KCNN3: variants seen among roughly 807,000 people sequenced by gnomAD.
The protein encoded by KCNN3 is small conductance calcium-activated potassium channel protein 3.
KCNN3 carries 16 observed loss-of-function variants against 62.9 expected under a neutral mutation model. That is an observed-to-expected ratio of 0.25 (90% CI 0.17 to 0.39). The LOEUF (loss-of-function observed/expected upper bound fraction) is 0.39. Among genes scored for constraint, KCNN3 ranks in the 10% least tolerant of loss-of-function variants. The pLI is 1.00. For missense variants in KCNN3, 599 were observed against 949.4 expected (o/e 0.63, Z 4.85); for synonymous variants, 370 against 389.2 (o/e 0.95, Z 0.58).
intron 3 of KCNN3, among the ~76,000 whole-genome samples, chr1:154,754,092 G>A (rs1025583184): frequency 2.0e-5 from 3 of 152,132 alleles, no homozygotes; most frequent in East Asian, 1.9e-4. Flanking sequence ...GAACCAAACC[G>A]GTTTTATCAT....
chr1:154,779,502 C>G (rs534402527), intron 2 of KCNN3, among the ~76,000 whole-genome samples: 2 of 152,342 alleles, frequency 1.3e-5, no homozygotes, highest in African/African-American at 4.8e-5. Context: ...CATCCCCACT[C>G]TCCCCATGGA....
In KCNN3 at chr1:154,706,325, C is replaced by A. The variant is rs1699964905; in HGVS notation, c.*1651G>T. ...TGATGTCTTCTTACAAAGGTAAACC[C>A]AAGATGACAACCACAAGCAAAAAAA... On this transcript the variant is annotated 3_prime_UTR_variant, in exon 8 of 8. Transcript: ENST00000271915. 1 of 152,138 alleles carries A rather than the reference C, an allele frequency of 6.6e-6. No homozygotes were observed. The highest frequency in any genetic ancestry group is 1.5e-5 in the Non-Finnish European group (1 of 68,018). The allele number at this position is 152,138 out of a possible 1,614,324, so 9.4% of individuals were successfully genotyped here.
chr1:154,814,678 T>C (rs1239567795), intron 2 of KCNN3, among the ~76,000 whole-genome samples: 2 of 152,240 alleles, frequency 1.3e-5, no homozygotes, highest in Admixed American at 6.5e-5. Flanking sequence ...CACCATCGTC[T>C]CTGAGGCGCT....
intron 1 of KCNN3, among the ~76,000 whole-genome samples, chr1:154,841,651 A>G (rs1211571102): frequency 1.3e-5 from 2 of 151,932 alleles, no homozygotes; most frequent in African/African-American, 4.8e-5. Context: ...AGCCCCCCTC[A>G]CTCCAAACTT....
In KCNN3 at chr1:154,701,877, A is replaced by C. The variant is rs561929443; in HGVS notation, c.*6099T>G. On this transcript the variant is annotated 3_prime_UTR_variant, in exon 8 of 8. Coordinates refer to ENST00000271915, the MANE Select transcript of KCNN3 (RefSeq NM_002249.6). ...ATTTTGAGTATTTTAAGTTACAGGA[A>C]AACAGGACTCTTTCTTATGTCCAAT... 71 of 152,330 alleles carry C rather than the reference A, an allele frequency of 4.7e-4. No individual in the cohort carries two copies. The highest frequency in any genetic ancestry group is 1.7e-3 in the African/African-American group (71 of 41,580). 9.4% of individuals were successfully genotyped at this position (152,330 alleles called of 1,614,324 possible).
intron 2 of KCNN3, among the ~76,000 whole-genome samples, chr1:154,777,426 T>C (rs1269131034): frequency 6.6e-6 from 1 of 152,182 alleles, no homozygotes; most frequent in Non-Finnish European, 1.5e-5. Flanking sequence ...CCTGTGGCCC[T>C]TGTTAACCAC....
In KCNN3 at chr1:154,869,495, T is replaced by G. The variant is rs1653087089; in HGVS notation, c.470A>C (p.Gln157Pro). The change falls in exon 1 of 8, where the codon CAG (glutamine) becomes CCG (proline). Residue 157 changes from glutamine to proline, a missense_variant. By Grantham distance (76) the Gln-to-Pro change is moderately conservative. Transcript: ENST00000271915. The surrounding 1 kb of genome is among the most constrained non-coding windows in gnomAD (Gnocchi z 6.1). ...CCGCCGGTGCACCAGGGGGCTGGCC[T>G]GTCGGTGCCGGCTGCCTCCGCCAGG... ...SGPGGGSRHR[Q>P]ASPLVHRRDS... 3 of 1,613,918 alleles carry G rather than the reference T, an allele frequency of 1.9e-6. No individual in the cohort carries two copies. The African/African-American group carries it at 4.0e-5, about 22-fold the overall frequency.
chr1:154,777,934 A>G (rs964847038), intron 2 of KCNN3, among the ~76,000 whole-genome samples: 2 of 152,230 alleles, frequency 1.3e-5, no homozygotes, highest in African/African-American at 4.8e-5. Context: ...GCTTCCCTGA[A>G]TGGGAAAAGG....
intron 1 of KCNN3, among the ~76,000 whole-genome samples, chr1:154,845,885 CTTG>C (rs1652035557): frequency 6.6e-6 from 1 of 152,224 alleles, no homozygotes; most frequent in Non-Finnish European, 1.5e-5. Flanking sequence ...CACGCACATG[CTTG>C]TTGTCCAGGC....
chr1:154,850,008 G>A (rs1052165375), intron 1 of KCNN3, among the ~76,000 whole-genome samples: 21 of 152,190 alleles, frequency 1.4e-4, no homozygotes, highest in African/African-American at 1.4e-4. Context: ...TGGTAAGGGA[G>A]GGGACCCCCC....
At chr1:154,716,502 A>G (rs940236600) in intron 5 of KCNN3, among the ~76,000 whole-genome samples, 4 of 152,230 alleles carry the variant, frequency 2.6e-5, no homozygotes, top group African/African-American at 9.6e-5. Flanking sequence ...AAGCCTAGGA[A>G]ACATTGTTTT....
At chr1:154,715,806 G>C (rs986038349) in intron 5 of KCNN3, among the ~76,000 whole-genome samples, 1 of 151,052 alleles carries the variant, frequency 6.6e-6, no homozygotes, top group Non-Finnish European at 1.5e-5. Context: ...TCGTGTATAC[G>C]GTACATTGCT....
chr1:154,698,132 C>T lies in KCNN3; in HGVS notation c.*9844G>A, dbSNP rs563222866. ...ATATTTTTGAAAACATTTTTTAGGT[C>T]TACCAACTTAGAAAAAGTCCCAGAT... On this transcript the variant is annotated 3_prime_UTR_variant, in exon 8 of 8. Transcript: ENST00000271915. 4.6e-5 allele frequency: 7 copies of T among 152,266 alleles called. No individual in the cohort carries two copies. Among genetic ancestry groups the T allele is most frequent in the Admixed American group, 6.5e-5 (1 of 15,298 alleles). 9.4% of individuals were successfully genotyped at this position (152,266 alleles called of 1,614,324 possible). A position where few individuals can be genotyped will look rare whatever the true frequency, so the allele number is the denominator to read the frequency against.
At chr1:154,755,054 C>T (rs1242390576) in intron 3 of KCNN3, among the ~76,000 whole-genome samples, 1 of 152,208 alleles carries the variant, frequency 6.6e-6, no homozygotes. Flanking sequence ...TGTCTGTTGC[C>T]TGGCCTGCTG....
At chr1:154,715,433 C>CAAA (rs68051927) in intron 5 of KCNN3, among the ~76,000 whole-genome samples, 16 of 103,970 alleles carry the variant, frequency 1.5e-4, no homozygotes, top group East Asian at 5.2e-4. Context: ...AACTCCATCT[C>CAAA]AAAAAAAAAA....
At chr1:154,711,713 T>C (rs1319237967) in intron 7 of KCNN3, among the ~76,000 whole-genome samples, 4 of 152,164 alleles carry the variant, frequency 2.6e-5, no homozygotes, top group South Asian at 4.1e-4. Flanking sequence ...CAATGCTGAT[T>C]GGTCCCAGGG....
At chr1:154,743,606 C>A (rs142268291) in intron 3 of KCNN3, among the ~76,000 whole-genome samples, 4 of 152,306 alleles carry the variant, frequency 2.6e-5, no homozygotes, top group Non-Finnish European at 2.9e-5. Flanking sequence ...AATACACAGT[C>A]GGTGGAAAGC....
chr1:154,746,087 T>C (rs1700929976), intron 3 of KCNN3, among the ~76,000 whole-genome samples: 1 of 152,184 alleles, frequency 6.6e-6, no homozygotes, highest in South Asian at 2.1e-4. Context: ...CTCTGCATAG[T>C]GCCTGACACA....
At chr1:154,713,634 C>A (rs1700122991) in intron 6 of KCNN3, 101 bp from the exon 7 acceptor site, 6 of 935,748 alleles carry the variant, frequency 6.4e-6, no homozygotes, top group Non-Finnish European at 1.0e-5. Context: ...GATTTTGGAA[C>A]CCAGCATGGG....
Sources: gnomAD v4.1 joint callset for allele counts (sites outside exome capture counted in the v4.1 genomes callset) on GRCh38, gnomAD v4.1.1 for gene constraint, Gnocchi (gnomAD v3.1) non-coding constraint, MANE v1.5 for transcripts, NCBI Gene and HGNC (gene_info 2026-07-23, HGNC 2026-07-21) for gene names.